LGSN: variants seen among roughly 807,000 people sequenced by gnomAD.
LGSN encodes lengsin.
Under a neutral mutation model 19.5 loss-of-function variants are expected in LGSN, and 21 were observed. That is an observed-to-expected ratio of 1.07 (90% confidence interval 0.76 to 1.55). LGSN has a LOEUF of 1.55. Among genes scored for constraint, LGSN ranks in the 40% most tolerant of loss-of-function variants. LGSN has a pLI of 0.00. For missense variants in LGSN, 673 were observed against 608.5 expected (o/e 1.11, Z -1.12); for synonymous variants, 257 against 215.6 (o/e 1.19, Z -1.68).
chr6:63,388,649 C>T, the LGSN span, among the ~76,000 whole-genome samples: 1 of 152,152 alleles, frequency 6.6e-6, no homozygotes, highest in Non-Finnish European at 1.5e-5. Flanking sequence ...GGCTCCAGAA[C>T]TGTGAAGAAA....
chr6:63,553,280 C>T, the LGSN span, among the ~76,000 whole-genome samples: 8 of 152,098 alleles, frequency 5.3e-5, no homozygotes, highest in Non-Finnish European at 1.2e-4. Context: ...AATTTTGTAC[C>T]CAAAACCATG....
At chr6:63,550,392 T>A in the LGSN span, 1 of 151,986 alleles carries the variant, frequency 6.6e-6, no homozygotes, top group African/African-American at 2.4e-5. Flanking sequence ...GCTACAAAGG[T>A]TGAAGCGTTC....
At chr6:63,418,424 G>A in the LGSN span, among the ~76,000 whole-genome samples, 2 of 152,144 alleles carry the variant, frequency 1.3e-5, no homozygotes, top group Non-Finnish European at 2.9e-5. Context: ...AGCTGAGCGT[G>A]TTGGTGCGCT....
chr6:63,459,682 G>A, the LGSN span, among the ~76,000 whole-genome samples: 1 of 151,968 alleles, frequency 6.6e-6, no homozygotes. Context: ...TGGAGGCCTA[G>A]GCAGGCAGAT....
At chr6:63,400,732 G>A in the LGSN span, among the ~76,000 whole-genome samples, 2 of 152,176 alleles carry the variant, frequency 1.3e-5, no homozygotes, top group Non-Finnish European at 2.9e-5. Flanking sequence ...GGTGGCTTAC[G>A]CCTGTAATCC....
At chr6:63,439,469 C>T in the LGSN span, among the ~76,000 whole-genome samples, 692 of 151,982 alleles carry the variant, frequency 4.6e-3, 4 homozygotes, top group Non-Finnish European at 6.9e-3. Flanking sequence ...GATCCCAGAT[C>T]GTGCCACTGC....
the LGSN span, among the ~76,000 whole-genome samples, chr6:63,432,670 C>A: frequency 6.7e-6 from 1 of 149,484 alleles, no homozygotes; most frequent in Non-Finnish European, 1.5e-5. Flanking sequence ...GGAGCCTGGG[C>A]AACAGAGCAA....
the LGSN span, chr6:63,395,825 T>TGGGC: frequency 8.4e-6 from 1 of 119,266 alleles, no homozygotes; most frequent in East Asian, 2.6e-4. Flanking sequence ...CTGGGCTGGG[T>TGGGC]GGGCACTGTG....
the LGSN span, among the ~76,000 whole-genome samples, chr6:63,521,083 C>T: frequency 1.3e-5 from 2 of 151,290 alleles, no homozygotes; most frequent in South Asian, 4.2e-4. Context: ...GGGCCTGTCA[C>T]GGGGTGGGGG....
the LGSN span, chr6:63,572,631 C>T: frequency 1.7e-3 from 696 of 420,874 alleles, 1 homozygote; most frequent in Non-Finnish European, 1.9e-3. Context: ...CGCCTCCTGC[C>T]CTGCAGCCAC....
the LGSN span, among the ~76,000 whole-genome samples, chr6:63,333,610 G>A: frequency 2.8e-3 from 382 of 135,828 alleles, 3 homozygotes; most frequent in African/African-American, 0.011. Context: ...AGGGAGGGAA[G>A]GGAGGGAGGG....
Position 63,294,901 on chromosome 6 carries a change from GTAGT to G in LGSN, c.163+8_163+11del, listed in dbSNP as rs747906381. 1 of 1,613,486 alleles carries G rather than the reference GTAGT, an allele frequency of 6.2e-7. No individual in the cohort carries two copies. The highest frequency in any genetic ancestry group is 1.7e-5 in the Admixed American group (1 of 59,996). On this transcript the variant is annotated splice_region_variant and intron_variant, in intron 2 of 3. Coordinates refer to ENST00000370657, the MANE Select transcript of LGSN (RefSeq NM_016571.3). The stretch of plus-strand genomic sequence containing the variant: ...ACCACACCATTTTTGAGGACTCAGA[GTAGT>G]TAGATACCATTTGAATTGGACATAT...
intron 3 of LGSN, among the ~76,000 whole-genome samples, chr6:63,284,865 G>A (rs1582020971): frequency 6.6e-6 from 1 of 152,142 alleles, no homozygotes; most frequent in Non-Finnish European, 1.5e-5. Flanking sequence ...AGAATCTGAT[G>A]TTAATGTGAT....
the LGSN span, chr6:63,550,461 C>T: frequency 4.1e-4 from 63 of 152,296 alleles, no homozygotes; most frequent in African/African-American, 1.5e-3. Flanking sequence ...TCAGACGACT[C>T]TACCTGAAGA....
the LGSN span, among the ~76,000 whole-genome samples, chr6:63,446,106 G>T: frequency 6.6e-6 from 1 of 151,814 alleles, no homozygotes; most frequent in Non-Finnish European, 1.5e-5. Context: ...AAAATTAGCC[G>T]GGCCATGGTG....
intron 2 of LGSN, among the ~76,000 whole-genome samples, chr6:63,291,551 T>C (rs541914581): frequency 1.4e-4 from 21 of 152,326 alleles, no homozygotes; most frequent in African/African-American, 5.1e-4. Context: ...TCTGCCATTC[T>C]GTTCTCCTGC....
At chr6:63,447,146 T>C in the LGSN span, among the ~76,000 whole-genome samples, 1 of 152,256 alleles carries the variant, frequency 6.6e-6, no homozygotes, top group Non-Finnish European at 1.5e-5. Flanking sequence ...TTGGAAATCT[T>C]GCTAAACTAA....
At chr6:63,327,050 G>A in the LGSN span, among the ~76,000 whole-genome samples, 3 of 152,324 alleles carry the variant, frequency 2.0e-5, no homozygotes, top group African/African-American at 4.8e-5. Flanking sequence ...CCTAACTGCT[G>A]TTGGCAATTT....
At chr6:63,361,587 T>C in the LGSN span, among the ~76,000 whole-genome samples, 1 of 152,312 alleles carries the variant, frequency 6.6e-6, no homozygotes, top group South Asian at 2.1e-4. Flanking sequence ...GGGAATTCCC[T>C]GACCCCTTGA....
Sources: allele counts gnomAD v4.1 joint callset (sites outside exome capture counted in the v4.1 genomes callset), GRCh38; gene constraint gnomAD v4.1.1; transcripts MANE v1.5; gene names NCBI Gene and HGNC (gene_info 2026-07-23, HGNC 2026-07-21).